ERMP1: variants seen among roughly 807,000 people sequenced by gnomAD.
The protein encoded by ERMP1 is Felix-ina.
ERMP1 carries 86 observed loss-of-function variants against 92.0 expected under a neutral mutation model. The ratio of observed to expected loss-of-function variants is 0.93; its 90% confidence interval spans 0.79 to 1.12. ERMP1 has a LOEUF of 1.12. Ranked by LOEUF, ERMP1 falls within the 50% of genes most tolerant of loss-of-function variation. ERMP1 has a pLI of 0.00. For missense variants in ERMP1, 1,342 were observed against 1,116.3 expected (o/e 1.20, Z -2.88); for synonymous variants, 530 against 412.8 (o/e 1.28, Z -3.44).
intron 6 of ERMP1, among the ~76,000 whole-genome samples, chr9:5,846,431 TA>T (rs1422634826): frequency 6.6e-6 from 1 of 152,208 alleles, no homozygotes; most frequent in Non-Finnish European, 1.5e-5. Flanking sequence ...ACAGAGATAT[TA>T]AAACCTCCCT....
At chr9:5,816,649 A>G (rs1485253696) in intron 4 of ERMP1, among the ~76,000 whole-genome samples, 1 of 152,218 alleles carries the variant, frequency 6.6e-6, no homozygotes, top group East Asian at 1.9e-4. Context: ...ATGTGTACCA[A>G]AAGACATTTA....
intron 11 of ERMP1, among the ~76,000 whole-genome samples, chr9:5,800,271 T>C (rs886768746): frequency 6.6e-6 from 1 of 152,156 alleles, no homozygotes; most frequent in African/African-American, 2.4e-5. Context: ...AAAAACAATT[T>C]AGAAAAACTA....
At chr9:5,811,907 C>A (rs1387707945) in intron 6 of ERMP1, among the ~76,000 whole-genome samples, 2 of 152,174 alleles carry the variant, frequency 1.3e-5, no homozygotes, top group African/African-American at 4.8e-5. Context: ...GGGCCAACTC[C>A]TTTTTCATTT....
chr9:5,854,034 C>T (rs1292059244), intron 6 of ERMP1, among the ~76,000 whole-genome samples: 1 of 151,834 alleles, frequency 6.6e-6, no homozygotes, highest in Non-Finnish European at 1.5e-5. Flanking sequence ...AGCAGTTAGA[C>T]CTGGAGCTTA....
chr9:5,859,452 A>T (rs890833719), intron 6 of ERMP1, among the ~76,000 whole-genome samples: 24 of 152,356 alleles, frequency 1.6e-4, no homozygotes, highest in African/African-American at 5.8e-4. Context: ...CTAATCTGAA[A>T]ATCATGCAGC....
intron 10 of ERMP1, among the ~76,000 whole-genome samples, chr9:5,803,508 C>G (rs1415892598): frequency 1.3e-5 from 2 of 152,086 alleles, no homozygotes. Context: ...ATCAGTGGAA[C>G]AGAATTTAAA....
chr9:5,844,730 T>A (rs1041084799), intron 6 of ERMP1, among the ~76,000 whole-genome samples: 4 of 152,186 alleles, frequency 2.6e-5, no homozygotes, highest in African/African-American at 4.8e-5. Flanking sequence ...TCATCCCCTT[T>A]TTGTTTATAT....
chr9:5,852,446 G>T (rs1443261461), intron 6 of ERMP1, among the ~76,000 whole-genome samples: 1 of 151,742 alleles, frequency 6.6e-6, no homozygotes, highest in African/African-American at 2.4e-5. Context: ...TGTAGAGATG[G>T]TCTTTTGCCA....
intron 6 of ERMP1, among the ~76,000 whole-genome samples, chr9:5,850,950 T>C (rs955619260): frequency 1.3e-5 from 2 of 152,194 alleles, no homozygotes; most frequent in African/African-American, 2.4e-5. Context: ...TCCAGAGCTT[T>C]GATCAGTTAC....
chr9:5,859,268 T>TCCATTTCTG (rs372019848), intron 6 of ERMP1, among the ~76,000 whole-genome samples: 1 of 131,316 alleles, frequency 7.6e-6, no homozygotes, highest in East Asian at 2.0e-4. Flanking sequence ...CAAAGACACT[T>TCCATTTCTG]TGGCAAAGGG....
chr9:5,843,403 G>C (rs1830190353), intron 6 of ERMP1, among the ~76,000 whole-genome samples: 1 of 152,196 alleles, frequency 6.6e-6, no homozygotes, highest in Non-Finnish European at 1.5e-5. Context: ...GTGTAAACTG[G>C]ATTCCACCCA....
chr9:5,805,964 A>G (rs1363455370), intron 8 of ERMP1, among the ~76,000 whole-genome samples, 179 bp from the exon 9 acceptor site: 1 of 152,256 alleles, frequency 6.6e-6, no homozygotes, highest in Admixed American at 6.5e-5. Context: ...ATGAAGTAGT[A>G]AATTCAAATG....
In ERMP1 at chr9:5,832,853, C is replaced by G; in HGVS notation, c.175G>C (p.Gly59Arg). The G allele has an allele frequency of 6.6e-7, 1 of 1,509,158 alleles. No individual in the cohort carries two copies. Among genetic ancestry groups the G allele is most frequent in the South Asian group, 1.2e-5 (1 of 80,884 alleles). The allele number at this position is 1,509,158 out of a possible 1,614,324, so 93.5% of individuals were successfully genotyped here. A position where few individuals can be genotyped will look rare whatever the true frequency, so the allele number is the denominator to read the frequency against. ...CCGGTCCCCGCGCCCCTGCTCGCGC[C>G]GCCGCTACCCCCGGGGCTCCTCTTC... ...TRKRSPGGSG[G>R]ASRGAGTGLS... Residue 59 changes from glycine (G) to arginine (R), a missense_variant, in exon 1 of 15, where the codon GGC becomes CGC. By Grantham distance (125) the Gly-to-Arg change is moderately radical (BLOSUM62 -2). Transcript: ENST00000339450.
At chr9:5,839,898 A>G (rs911380327) in intron 6 of ERMP1, among the ~76,000 whole-genome samples, 1 of 152,248 alleles carries the variant, frequency 6.6e-6, no homozygotes, top group African/African-American at 2.4e-5. Flanking sequence ...TGCTAAAAAA[A>G]TCATCCTCCT....
At position 5,787,017 on chromosome 9, in the gene ERMP1, A is replaced by G; in HGVS notation, c.*127T>C. 1.0e-6 allele frequency: 1 copy of G among 982,982 alleles called. No individual in the cohort carries two copies. Among genetic ancestry groups the G allele is most frequent in the Non-Finnish European group, 1.5e-6 (1 of 680,310 alleles). 60.9% of individuals were successfully genotyped at this position (982,982 alleles called of 1,614,324 possible). ...GCTTGGCCCTGAAAAGCGTTAACCC[A>G]GAAAGCTCTTTGAACATATGATCAT... On this transcript the variant is annotated 3_prime_UTR_variant, in exon 15 of 15. Transcript: ENST00000339450.
chr9:5,825,446 T>C (rs1829696237), intron 2 of ERMP1, among the ~76,000 whole-genome samples: 1 of 152,208 alleles, frequency 6.6e-6, no homozygotes, highest in Non-Finnish European at 1.5e-5. Context: ...CCTACTACCA[T>C]GCCTGACCCA....
intron 6 of ERMP1, 22 bp from the exon 7 acceptor site, chr9:5,811,345 A>C: frequency 6.5e-7 from 1 of 1,541,184 alleles, no homozygotes; most frequent in Non-Finnish European, 8.8e-7. Flanking sequence ...AACAAAAAAA[A>C]AAAGAAAGAA....
At chr9:5,815,440 C>T (rs896887447) in intron 4 of ERMP1, among the ~76,000 whole-genome samples, 2 of 111,918 alleles carry the variant, frequency 1.8e-5, no homozygotes, top group African/African-American at 6.9e-5. Flanking sequence ...ACAAAATAAA[C>T]AATAGTAACA....
At chr9:5,808,709 G>T (rs1199663788) in intron 8 of ERMP1, among the ~76,000 whole-genome samples, 3 of 152,072 alleles carry the variant, frequency 2.0e-5, no homozygotes, top group Admixed American at 6.5e-5. Context: ...TTCATTTTTA[G>T]ACCTATTATT....
Sources: gnomAD v4.1 joint callset for allele counts (sites outside exome capture counted in the v4.1 genomes callset) on GRCh38, gnomAD v4.1.1 for gene constraint, MANE v1.5 for transcripts, NCBI Gene and HGNC (gene_info 2026-07-23, HGNC 2026-07-21) for gene names.